The following FGF12 variants were observed in gnomAD, a reference collection of about 807,000 sequenced individuals.
FGF12 encodes fibroblast growth factor 12.
FGF12 carries 14 observed loss-of-function variants against 23.6 expected under a neutral mutation model. That is an observed-to-expected ratio of 0.59 (90% CI 0.39 to 0.93). The LOEUF (loss-of-function observed/expected upper bound fraction) is 0.93. FGF12 is among the 40% of genes least tolerant of loss of function. FGF12 has a pLI of 0.00. For missense variants in FGF12, 175 were observed against 217.8 expected (o/e 0.80, Z 1.24); for synonymous variants, 62 against 77.3 (o/e 0.80, Z 1.04).
At chr3:192,466,783 G>A (rs569309848) in intron 2 of FGF12, among the ~76,000 whole-genome samples, 1 of 152,146 alleles carries the variant, frequency 6.6e-6, no homozygotes, top group African/African-American at 2.4e-5. Flanking sequence ...ACACTCACAG[G>A]GTATGGAAGA....
At chr3:192,641,158 T>G (rs1167417124) in intron 2 of FGF12, among the ~76,000 whole-genome samples, 1 of 65,254 alleles carries the variant, frequency 1.5e-5, no homozygotes, top group Non-Finnish European at 3.1e-5. Context: ...CAGGCTGGAG[T>G]GCAGTGGCGG....
At chr3:192,600,705 A>G (rs1006538702) in intron 2 of FGF12, among the ~76,000 whole-genome samples, 1 of 152,126 alleles carries the variant, frequency 6.6e-6, no homozygotes, top group Non-Finnish European at 1.5e-5. Flanking sequence ...AATGCTCAAC[A>G]TCACTAATCA....
At chr3:192,192,107 G>A (rs183633880) in intron 4 of FGF12, among the ~76,000 whole-genome samples, 14 of 152,226 alleles carry the variant, frequency 9.2e-5, no homozygotes, top group Admixed American at 8.5e-4. Flanking sequence ...AATCTCATTG[G>A]ATCCAAAAAC....
intron 2 of FGF12, among the ~76,000 whole-genome samples, chr3:192,507,778 C>A (rs958414774): frequency 9.9e-5 from 15 of 152,200 alleles, no homozygotes; most frequent in Non-Finnish European, 2.2e-4. Context: ...GGAACTGGAA[C>A]TACAGGCACA....
chr3:192,471,946 T>C (rs1723184661), intron 2 of FGF12, among the ~76,000 whole-genome samples: 1 of 152,176 alleles, frequency 6.6e-6, no homozygotes, highest in East Asian at 1.9e-4. Context: ...GAGTATGTTA[T>C]CAAGTACCTG....
At chr3:192,418,351 T>G (rs1000948448) in intron 2 of FGF12, among the ~76,000 whole-genome samples, 3 of 152,228 alleles carry the variant, frequency 2.0e-5, no homozygotes, top group Admixed American at 2.0e-4. Flanking sequence ...TACAAGACAC[T>G]CGTTCAACAC....
intron 4 of FGF12, among the ~76,000 whole-genome samples, chr3:192,226,171 C>T (rs1718722279): frequency 6.6e-6 from 1 of 152,136 alleles, no homozygotes; most frequent in Non-Finnish European, 1.5e-5. Flanking sequence ...CTTCATGCGT[C>T]CTATACCCAA....
chr3:192,499,142 T>C, intron 2 of FGF12, among the ~76,000 whole-genome samples: 1 of 152,162 alleles, frequency 6.6e-6, no homozygotes, highest in Non-Finnish European at 1.5e-5. Context: ...ATCTGTGTCA[T>C]GCTTTTTATA....
At chr3:192,686,478 C>T (rs930457532) in intron 2 of FGF12, among the ~76,000 whole-genome samples, 2 of 152,112 alleles carry the variant, frequency 1.3e-5, no homozygotes, top group South Asian at 2.1e-4. Context: ...TCTATCTCAC[C>T]GACCTCATGC....
chr3:192,657,234 G>T (rs553672573), intron 2 of FGF12, among the ~76,000 whole-genome samples: 35 of 151,814 alleles, frequency 2.3e-4, no homozygotes, highest in African/African-American at 8.5e-4. Context: ...CCCTTAACAT[G>T]TCAGGGCGGT....
intron 2 of FGF12, among the ~76,000 whole-genome samples, chr3:192,544,214 G>T (rs1235087432): frequency 6.6e-6 from 1 of 152,020 alleles, no homozygotes; most frequent in East Asian, 1.9e-4. Context: ...CAAGCACACA[G>T]ATTTTTTTTT....
chr3:192,651,434 G>T (rs1225122527), intron 2 of FGF12, among the ~76,000 whole-genome samples: 3 of 152,086 alleles, frequency 2.0e-5, no homozygotes, highest in African/African-American at 4.8e-5. Flanking sequence ...GACGAGGGAG[G>T]TTAAGTGATA....
At chr3:192,292,562 A>G (rs954039606) in intron 4 of FGF12, among the ~76,000 whole-genome samples, 1 of 152,206 alleles carries the variant, frequency 6.6e-6, no homozygotes, top group Admixed American at 6.5e-5. Flanking sequence ...AGGAAAAATC[A>G]TTCATTTATT....
intron 2 of FGF12, among the ~76,000 whole-genome samples, chr3:192,509,285 GA>G (rs1724402412): frequency 6.6e-6 from 1 of 152,184 alleles, no homozygotes; most frequent in Admixed American, 6.5e-5. Flanking sequence ...GCTGGCCCAT[GA>G]GCCAGATGGG....
chr3:192,567,946 C>T (rs1712419534), intron 2 of FGF12, among the ~76,000 whole-genome samples: 1 of 151,812 alleles, frequency 6.6e-6, no homozygotes, highest in South Asian at 2.1e-4. Context: ...GATTCTCCTG[C>T]CTCAGCCTCC....
At chr3:192,341,639 A>T (rs908734690) in intron 3 of FGF12, among the ~76,000 whole-genome samples, 7 of 152,196 alleles carry the variant, frequency 4.6e-5, no homozygotes, top group African/African-American at 1.4e-4. Context: ...AACCTAAATC[A>T]TTCTCATATT....
At chr3:192,655,338 T>C (rs1716371183) in intron 2 of FGF12, among the ~76,000 whole-genome samples, 1 of 152,204 alleles carries the variant, frequency 6.6e-6, no homozygotes, top group South Asian at 2.1e-4. Context: ...AGCATTCCAT[T>C]GACAGGCCTT....
intron 2 of FGF12, among the ~76,000 whole-genome samples, chr3:192,499,818 G>T (rs1724079183): frequency 6.6e-6 from 1 of 151,762 alleles, no homozygotes; most frequent in Non-Finnish European, 1.5e-5. Flanking sequence ...AAAGTGCTGG[G>T]ATTACAGGTG....
intron 2 of FGF12, among the ~76,000 whole-genome samples, chr3:192,506,573 C>T (rs909998041): frequency 7.9e-5 from 12 of 152,008 alleles, no homozygotes; most frequent in Non-Finnish European, 1.0e-4. Flanking sequence ...GGTTTCACCA[C>T]GTTGGCCAGG....
Sources: allele counts gnomAD v4.1 joint callset (sites outside exome capture counted in the v4.1 genomes callset), GRCh38; gene constraint gnomAD v4.1.1; transcripts MANE v1.5; gene names NCBI Gene and HGNC (gene_info 2026-07-23, HGNC 2026-07-21).